Variants in EFCAB11 observed in about 807,000 individuals in gnomAD.
The protein encoded by EFCAB11 is EF-hand calcium-binding domain-containing protein 11.
Under a neutral mutation model 23.0 loss-of-function variants are expected in EFCAB11, and 14 were observed. The ratio of observed to expected loss-of-function variants is 0.61; its 90% CI spans 0.40 to 0.95. The LOEUF (loss-of-function observed/expected upper bound fraction) is 0.95, where lower values mean the gene tolerates loss of function less well. Among genes scored for constraint, EFCAB11 ranks in the 40% least tolerant of loss-of-function variants. EFCAB11 has a pLI of 0.00. For synonymous variants in EFCAB11, 65 were observed against 66.6 expected (o/e 0.98, Z 0.11); for missense variants, 198 against 195.8 (o/e 1.01, Z -0.07).
intron 5 of EFCAB11, among the ~76,000 whole-genome samples, chr14:89,918,288 C>T (rs1168323125): frequency 2.6e-5 from 4 of 152,218 alleles, no homozygotes; most frequent in African/African-American, 9.6e-5. Flanking sequence ...CCTGTAATCC[C>T]AGCACTTTAG....
chr14:89,838,878 C>T (rs1887167586), intron 5 of EFCAB11, among the ~76,000 whole-genome samples: 1 of 152,122 alleles, frequency 6.6e-6, no homozygotes, highest in Non-Finnish European at 1.5e-5. Context: ...GGTAATGATC[C>T]AGGGTATAGC....
At chr14:89,818,705 A>C (rs1886412047) in intron 5 of EFCAB11, among the ~76,000 whole-genome samples, 1 of 152,252 alleles carries the variant, frequency 6.6e-6, no homozygotes, top group African/African-American at 2.4e-5. Flanking sequence ...TACCACGTAA[A>C]AAATAGGTGA....
intron 5 of EFCAB11, among the ~76,000 whole-genome samples, chr14:89,803,987 A>G (rs535379268): frequency 2.0e-4 from 31 of 152,224 alleles, no homozygotes; most frequent in Non-Finnish European, 3.5e-4. Flanking sequence ...GGTCTTTTCT[A>G]GGCTCCAACA....
At chr14:89,864,824 G>T (rs1888034409) in intron 5 of EFCAB11, among the ~76,000 whole-genome samples, 1 of 152,194 alleles carries the variant, frequency 6.6e-6, no homozygotes, top group Non-Finnish European at 1.5e-5. Flanking sequence ...CTTCCCTAGA[G>T]CTGACTCAAC....
chr14:89,922,640 A>G (rs1337722362), intron 5 of EFCAB11, among the ~76,000 whole-genome samples: 2 of 152,114 alleles, frequency 1.3e-5, no homozygotes, highest in South Asian at 2.1e-4. Context: ...TTTTTTTCCA[A>G]TGAAATAAGC....
chr14:89,914,477 T>C (rs1889775120), intron 5 of EFCAB11, among the ~76,000 whole-genome samples: 1 of 152,054 alleles, frequency 6.6e-6, no homozygotes, highest in Admixed American at 6.5e-5. Flanking sequence ...AAAATCTGCA[T>C]AAGTAATTAA....
chr14:89,950,341 T>C (rs887030415), intron 2 of EFCAB11, among the ~76,000 whole-genome samples, 199 bp from the exon 3 acceptor site: 11 of 152,150 alleles, frequency 7.2e-5, no homozygotes, highest in African/African-American at 2.7e-4. Context: ...CAGACACTAA[T>C]CTGCTAGTCC....
chr14:89,930,050 C>T (rs752879239), intron 5 of EFCAB11, among the ~76,000 whole-genome samples: 2 of 152,128 alleles, frequency 1.3e-5, no homozygotes, highest in African/African-American at 4.8e-5. Context: ...ATATTCACTA[C>T]CTATCTCATC....
chr14:89,850,095 C>A (rs1282686804), intron 5 of EFCAB11, among the ~76,000 whole-genome samples: 3 of 152,156 alleles, frequency 2.0e-5, no homozygotes, highest in Non-Finnish European at 4.4e-5. Flanking sequence ...CTAGACTACC[C>A]CCTGCCTCCC....
At chr14:89,803,366 C>G (rs1047221847) in intron 5 of EFCAB11, among the ~76,000 whole-genome samples, 13 of 152,218 alleles carry the variant, frequency 8.5e-5, no homozygotes, top group Admixed American at 5.9e-4. Flanking sequence ...ACTGGAGAGG[C>G]AAACTCTTGC....
chr14:89,854,721 C>T (rs1887698293), intron 5 of EFCAB11, among the ~76,000 whole-genome samples: 2 of 152,198 alleles, frequency 1.3e-5, no homozygotes, highest in East Asian at 1.9e-4. Context: ...TCCTCCTCCC[C>T]TGTCCCCTGC....
At chr14:89,862,137 C>A (rs7160640) in intron 5 of EFCAB11, among the ~76,000 whole-genome samples, 10 of 152,154 alleles carry the variant, frequency 6.6e-5, no homozygotes, top group South Asian at 2.1e-4. Flanking sequence ...GCGGGACCAG[C>A]AGAAGGGTCT....
intron 3 of EFCAB11, among the ~76,000 whole-genome samples, chr14:89,949,237 T>G (rs1346400187): frequency 1.3e-5 from 2 of 152,194 alleles, no homozygotes; most frequent in African/African-American, 2.4e-5. Context: ...ACATCTCATG[T>G]ACCACCTCTC....
chr14:89,949,585 C>A (rs575150951), intron 3 of EFCAB11, among the ~76,000 whole-genome samples: 2 of 151,892 alleles, frequency 1.3e-5, no homozygotes, highest in Non-Finnish European at 2.9e-5. Flanking sequence ...AGGCTGGTCT[C>A]AAACTCCTGA....
At chr14:89,855,772 C>T (rs542617808) in intron 5 of EFCAB11, among the ~76,000 whole-genome samples, 2 of 152,264 alleles carry the variant, frequency 1.3e-5, no homozygotes, top group Non-Finnish European at 2.9e-5. Flanking sequence ...CCTGTATCTC[C>T]CCATTTCCTG....
At chr14:89,814,469 G>C (rs1223184334) in intron 5 of EFCAB11, among the ~76,000 whole-genome samples, 3 of 152,000 alleles carry the variant, frequency 2.0e-5, no homozygotes, top group Non-Finnish European at 4.4e-5. Context: ...CTTTGGGAGG[G>C]CGAGGCGGGC....
At chr14:89,883,157 T>C (rs1000364942) in intron 5 of EFCAB11, among the ~76,000 whole-genome samples, 1 of 152,214 alleles carries the variant, frequency 6.6e-6, no homozygotes, top group African/African-American at 2.4e-5. Context: ...CCCTTTTACA[T>C]TATAAATTAT....
chr14:89,832,459 C>T (rs566820456), intron 5 of EFCAB11, among the ~76,000 whole-genome samples: 1 of 152,266 alleles, frequency 6.6e-6, no homozygotes, highest in African/African-American at 2.4e-5. Context: ...ATAAGCTCTA[C>T]CACTCCTCAT....
chr14:89,818,250 A>C (rs1434002688), intron 5 of EFCAB11, among the ~76,000 whole-genome samples: 1 of 152,188 alleles, frequency 6.6e-6, no homozygotes, highest in East Asian at 1.9e-4. Flanking sequence ...CAGGTAAGTG[A>C]AGTGAAATAT....
Sources: gnomAD v4.1 joint callset for allele counts (sites outside exome capture counted in the v4.1 genomes callset) on GRCh38, gnomAD v4.1.1 for gene constraint, MANE v1.5 for transcripts, NCBI Gene and HGNC (gene_info 2026-07-23, HGNC 2026-07-21) for gene names.